The following CAVIN2 variants were observed in gnomAD, a reference collection of about 807,000 sequenced individuals.
CAVIN2 encodes caveolae-associated protein 2.
Under a neutral mutation model 11.7 loss-of-function variants are expected in CAVIN2, and 13 were observed. The observed-to-expected ratio is 1.11, with a 90% CI of 0.72 to 1.77. The LOEUF is 1.77. Among genes scored for constraint, CAVIN2 ranks in the 40% most tolerant of loss-of-function variants. The pLI is 0.00. For missense variants in CAVIN2, 549 were observed against 542.9 expected (o/e 1.01, Z -0.11); for synonymous variants, 237 against 223.2 (o/e 1.06, Z -0.55).
rs377713440 is a variant in CAVIN2, at chr2:191,836,115, C to T, written c.1086G>A (p.Arg362=). The T allele has an allele frequency of 6.2e-7, 1 of 1,614,212 alleles. No individual in the cohort carries two copies. Among genetic ancestry groups the T allele is most frequent in the South Asian group, 1.1e-5 (1 of 91,082 alleles). Reference sequence around the variant, plus strand: ...TGCTGTCCATCCCCGAGTTACTCCCCCTGGAGGTCGCCTTCTCAGCAGCCT... The same window carrying T: ...TGCTGTCCATCCCCGAGTTACTCCCTCTGGAGGTCGCCTTCTCAGCAGCCT... The part of the protein sequence containing the change: ...AEEAAEKATS[R]GSNSGMDSNI... Residue 362 remains arginine, a synonymous_variant, in exon 2 of 2, where the codon AGG becomes AGA. Transcript: ENST00000304141.
At chr2:191,843,570 G>A (rs1690124735) in intron 1 of CAVIN2, among the ~76,000 whole-genome samples, 1 of 152,194 alleles carries the variant, frequency 6.6e-6, no homozygotes, top group African/African-American at 2.4e-5. Context: ...CGTTGAGTAG[G>A]TCTTTTGGGA....
At position 191,846,980 on chromosome 2, in the gene CAVIN2, A is replaced by G; in HGVS notation, c.-55T>C. 1 of 1,542,390 alleles carries G rather than the reference A, an allele frequency of 6.5e-7. No individual in the cohort carries two copies. The highest frequency in any genetic ancestry group is 8.7e-7 in the Non-Finnish European group (1 of 1,152,208). Reference sequence around the variant, plus strand: ...CTGGGAGCTGCTTCTTGCTCGGGTGAGAAGTTGCGGTGGTGAGGGTGTAGG... The same window carrying G: ...CTGGGAGCTGCTTCTTGCTCGGGTGGGAAGTTGCGGTGGTGAGGGTGTAGG... On this transcript the variant is annotated 5_prime_UTR_variant, in exon 1 of 2. Coordinates refer to ENST00000304141, the MANE Select transcript of CAVIN2 (RefSeq NM_004657.6).
rs1487369912 is a variant in CAVIN2 at position 191,835,909 on chromosome 2, C to T, written c.*14G>A. Reference sequence around the variant, plus strand: ...CGCTTGAGCACAGCACAGGATGGCACGGTGGCTCTAAGCTCAGGAGGTCTG... The same window carrying T: ...CGCTTGAGCACAGCACAGGATGGCATGGTGGCTCTAAGCTCAGGAGGTCTG... On this transcript the variant is annotated 3_prime_UTR_variant, in exon 2 of 2. Coordinates refer to ENST00000304141, the MANE Select transcript of CAVIN2 (RefSeq NM_004657.6). 1.2e-6 allele frequency: 2 copies of T among 1,602,668 alleles called. No homozygotes were observed. Among genetic ancestry groups the T allele is most frequent in the East Asian group, 2.2e-5 (1 of 44,846 alleles).
rs1262830886 is a variant in CAVIN2, at chr2:191,834,927, A to C, written c.*996T>G. 6.6e-6 allele frequency: 1 copy of C among 152,078 alleles called. No individual in the cohort carries two copies. The highest frequency in any genetic ancestry group is 1.5e-5 in the Non-Finnish European group (1 of 67,958). 9.4% of individuals were successfully genotyped at this position (152,078 alleles called of 1,614,324 possible). On this transcript the variant is annotated 3_prime_UTR_variant, in exon 2 of 2. Coordinates refer to ENST00000304141, the MANE Select transcript of CAVIN2 (RefSeq NM_004657.6). Reference sequence around the variant, plus strand: ...AGAATAGTATGAGCTAAGTTTCCACAAAACAGTATATATTAATTGTATTTT... The same window carrying C: ...AGAATAGTATGAGCTAAGTTTCCACCAAACAGTATATATTAATTGTATTTT...
chr2:191,835,842 T>C lies in CAVIN2; in HGVS notation c.*81A>G. Reference sequence around the variant, plus strand: ...CAGGAACGCAGGAGTGGGTGAGTCGTGCTGGAGATGTGCAAGAGTTTGTTC... The same window carrying C: ...CAGGAACGCAGGAGTGGGTGAGTCGCGCTGGAGATGTGCAAGAGTTTGTTC... On this transcript the variant is annotated 3_prime_UTR_variant, in exon 2 of 2. Transcript: ENST00000304141. The C allele has an allele frequency of 7.2e-7, 1 of 1,383,202 alleles. No individual in the cohort carries two copies. Among genetic ancestry groups the C allele is most frequent in the Non-Finnish European group, 9.8e-7 (1 of 1,015,350 alleles). 85.7% of individuals were successfully genotyped at this position (1,383,202 alleles called of 1,614,324 possible). A position where few individuals can be genotyped will look rare whatever the true frequency, so the allele number is the denominator to read the frequency against.
chr2:191,837,590 C>T (rs999999518), intron 1 of CAVIN2, among the ~76,000 whole-genome samples: 2 of 152,110 alleles, frequency 1.3e-5, no homozygotes, highest in South Asian at 4.1e-4. Flanking sequence ...CTCCAGCTGC[C>T]GGGCACACAG....
intron 1 of CAVIN2, among the ~76,000 whole-genome samples, chr2:191,838,792 C>A (rs1458645595): frequency 6.6e-6 from 1 of 152,168 alleles, no homozygotes; most frequent in Non-Finnish European, 1.5e-5. Flanking sequence ...TAAATGAGTG[C>A]ATGTTGGGTG....
In CAVIN2 at chr2:191,834,594, A is replaced by C. The variant is rs2105733648; in HGVS notation, c.*1329T>G. On this transcript the variant is annotated 3_prime_UTR_variant, in exon 2 of 2. Transcript: ENST00000304141. The stretch of plus-strand genomic sequence containing the variant: ...TTAAACTATAATTTAAGAAATCATT[A>C]GCATTTTGTAATTAAAAACAGATAA... 6.6e-6 allele frequency: 1 copy of C among 152,332 alleles called. No homozygotes were observed. The highest frequency in any genetic ancestry group is 2.4e-5 in the African/African-American group (1 of 41,592). The allele number at this position is 152,332 out of a possible 1,614,324, so 9.4% of individuals were successfully genotyped here.
chr2:191,841,408 T>C (rs946503765), intron 1 of CAVIN2, among the ~76,000 whole-genome samples: 1 of 152,228 alleles, frequency 6.6e-6, no homozygotes, highest in African/African-American at 2.4e-5. Context: ...TTACTCATTT[T>C]GCAATTCAAT....
Position 191,835,973 on chromosome 2 carries a change from C to T in CAVIN2, c.1228G>A (p.Asp410Asn). ...ALTSEEAERS[D>N]GDPVQPAVLQ... is the part of the protein sequence containing the mutation. ...ACGGCGGGCTGCACGGGGTCCCCAT[C>T]GGAGCGCTCCGCCTCCTCGGATGTT... The change falls in exon 2 of 2, where the codon GAT becomes AAT. Residue 410 changes from aspartate to asparagine, a missense_variant. By Grantham distance (23) the Asp-to-Asn change is conservative. Coordinates refer to ENST00000304141, the MANE Select transcript of CAVIN2 (RefSeq NM_004657.6). 2 of 1,614,042 alleles carry T rather than the reference C, an allele frequency of 1.2e-6. No homozygotes were observed. Among genetic ancestry groups the T allele is most frequent in the Non-Finnish European group, 8.5e-7 (1 of 1,180,034 alleles).
At chr2:191,843,055 G>A (rs997330458) in intron 1 of CAVIN2, among the ~76,000 whole-genome samples, 4 of 152,146 alleles carry the variant, frequency 2.6e-5, no homozygotes, top group African/African-American at 9.7e-5. Context: ...GTGGTGGCAG[G>A]GGCCTGTAAT....
intron 1 of CAVIN2, among the ~76,000 whole-genome samples, chr2:191,841,995 T>C (rs1004222248): frequency 6.6e-6 from 1 of 152,200 alleles, no homozygotes; most frequent in African/African-American, 2.4e-5. Flanking sequence ...GATAGAAACA[T>C]GGCGAGTTGT....
intron 1 of CAVIN2, among the ~76,000 whole-genome samples, chr2:191,844,704 C>G (rs1690139575): frequency 6.6e-6 from 1 of 151,996 alleles, no homozygotes; most frequent in Admixed American, 6.6e-5. Flanking sequence ...ACAGCATATG[C>G]CTTTAAGTTC....
chr2:191,846,143 G>A (rs1690161981), intron 1 of CAVIN2, among the ~76,000 whole-genome samples: 1 of 152,218 alleles, frequency 6.6e-6, no homozygotes, highest in South Asian at 2.1e-4. Context: ...TAGGGTGCAC[G>A]CACCTGCACA....
Position 191,836,349 on chromosome 2 carries a change from T to A in CAVIN2, c.852A>T (p.Ser284=), listed in dbSNP as rs762936362. 64 of 1,614,076 alleles carry A rather than the reference T, an allele frequency of 4.0e-5. No individual in the cohort carries two copies. Among genetic ancestry groups the A allele is most frequent in the Non-Finnish European group, 5.3e-5 (62 of 1,180,040 alleles). The change falls in exon 2 of 2, where the codon TCA becomes TCT. Residue 284 remains serine, a synonymous_variant. Transcript: ENST00000304141. ...AAACCTTGAAGGGGGAGCTTTTTCC[T>A]GAGGATATTTTCTGGTGATTTGACG... ...SLTSNHQKIS[S]GKSSPFKVSP...
chr2:191,835,240 T>A lies in CAVIN2; in HGVS notation c.*683A>T, dbSNP rs1689995426. On this transcript the variant is annotated 3_prime_UTR_variant, in exon 2 of 2. Coordinates refer to ENST00000304141, the MANE Select transcript of CAVIN2 (RefSeq NM_004657.6). ...TTCTCTGTTTTCATTCTTTTCGGCA[T>A]TCTTTGTTTCCTGTTTCTCTCATTT... The A allele has an allele frequency of 6.6e-6, 1 of 152,150 alleles. No individual in the cohort carries two copies. The highest frequency in any genetic ancestry group is 1.9e-4 in the East Asian group (1 of 5,204). The allele number at this position is 152,150 out of a possible 1,614,324, so 9.4% of individuals were successfully genotyped here. A position where few individuals can be genotyped will look rare whatever the true frequency, so the allele number is the denominator to read the frequency against.
intron 1 of CAVIN2, among the ~76,000 whole-genome samples, chr2:191,844,961 A>T (rs1690144546): frequency 6.6e-6 from 1 of 152,182 alleles, no homozygotes. Context: ...GGTGTCTCAG[A>T]CTTAAACAGG....
rs776133100 is a variant in CAVIN2 at position 191,835,962 on chromosome 2, G to C, written c.1239C>G (p.Pro413=). 8.1e-6 allele frequency: 13 copies of C among 1,613,674 alleles called. No individual in the cohort carries two copies. Among genetic ancestry groups the C allele is most frequent in the Non-Finnish European group, 1.0e-5 (12 of 1,180,006 alleles). The change falls in exon 2 of 2, where the codon CCC becomes CCG. Residue 413 remains proline, a synonymous_variant. Coordinates refer to ENST00000304141, the MANE Select transcript of CAVIN2 (RefSeq NM_004657.6). ...SEEAERSDGD[P]VQPAVLQVHQ... ...GCACCTGGAGCACGGCGGGCTGCAC[G>C]GGGTCCCCATCGGAGCGCTCCGCCT...
At chr2:191,838,441 T>C (rs1228101260) in intron 1 of CAVIN2, among the ~76,000 whole-genome samples, 1 of 152,172 alleles carries the variant, frequency 6.6e-6, no homozygotes, top group African/African-American at 2.4e-5. Flanking sequence ...AAGGGTAATG[T>C]CTTGTGTCGA....
Sources: gnomAD v4.1 joint callset for allele counts (sites outside exome capture counted in the v4.1 genomes callset) on GRCh38, gnomAD v4.1.1 for gene constraint, MANE v1.5 for transcripts, NCBI Gene and HGNC (gene_info 2026-07-23, HGNC 2026-07-21) for gene names.